Variants in CECR2 observed in about 807,000 individuals in gnomAD.
The protein encoded by CECR2 is chromatin remodeling regulator CECR2.
CECR2 carries 30 observed loss-of-function variants against 154.5 expected under a neutral mutation model. The observed-to-expected ratio is 0.19, with a 90% CI of 0.15 to 0.26. CECR2 has a LOEUF of 0.26. Ranked by LOEUF, CECR2 falls within the 10% of genes least tolerant of loss-of-function variation. The probability of loss-of-function intolerance (pLI) is 1.00; values close to 1 mark genes in which losing one functional copy is unlikely to be tolerated. For synonymous variants in CECR2, 725 were observed against 683.7 expected, an observed-to-expected ratio of 1.06 and a Z score of -0.94; for missense variants, 1,743 against 1,829.3, an observed-to-expected ratio of 0.95 and a Z score of 0.86.
rs115372453 is a variant in CECR2, at chr22:17,439,309, A to G, written c.127-38279A>G. Among the ~76,000 whole-genome samples the G allele has an allele frequency of 4.2e-3, 644 of 152,282 alleles. 3 individuals carry two copies. Among genetic ancestry groups the G allele is most frequent in the African/African-American group, 0.015 (618 of 41,546 alleles). ...AAATTTACTACAAAAATGAATGGGCAAGGAAGGCTGTGTTTCAGTAAAGCT... is the reference window on the plus strand; with the variant it reads ...AAATTTACTACAAAAATGAATGGGCGAGGAAGGCTGTGTTTCAGTAAAGCT... On this transcript the variant is annotated intron_variant, in intron 1 of 18. Transcript: ENST00000262608.
intron 1 of CECR2, among the ~76,000 whole-genome samples, chr22:17,382,914 A>G (rs902408491): frequency 1.3e-5 from 2 of 150,932 alleles, no homozygotes; most frequent in Non-Finnish European, 3.0e-5. Flanking sequence ...CAAACACAAC[A>G]AAACAACTAT....
At position 17,524,141 on chromosome 22, in the gene CECR2, A is replaced by G; in HGVS notation, c.978A>G (p.Ile326Met). ...KQEETPVLTRIEKQKRKEEEE... is the reference protein window; with the variant it reads ...KQEETPVLTRMEKQKRKEEEE... The stretch of plus-strand genomic sequence containing the variant: ...AGGAGACTCCTGTGCTGACCAGAAT[A>G]GAAAAACAAAAGCGCAAAGAGGAGG... The change falls in exon 9 of 19, where the codon ATA (isoleucine) becomes ATG (methionine). Residue 326 changes from isoleucine (I) to methionine (M), a missense_variant. Ile to Met is a conservative substitution (Grantham distance 10). Around this residue, in one of 4 missense-constraint regions of CECR2, gnomAD observed 292 missense variants for 301.2 expected, o/e 0.97. Coordinates refer to ENST00000262608, the MANE Select transcript of CECR2 (RefSeq NM_001290047.2). 1 of 1,596,544 alleles carries G rather than the reference A, an allele frequency of 6.3e-7. No individual in the cohort carries two copies. Among genetic ancestry groups the G allele is most frequent in the Non-Finnish European group, 8.5e-7 (1 of 1,171,658 alleles).
rs746659459 is a variant in CECR2 at position 17,540,679 on chromosome 22, A to G, written c.1763A>G (p.Asp588Gly). 5.0e-6 allele frequency: 8 copies of G among 1,613,832 alleles called. No individual in the cohort carries two copies. The highest frequency in any genetic ancestry group is 6.8e-6 in the Non-Finnish European group (8 of 1,179,880). The change falls in exon 14 of 19, where the codon GAC becomes GGC. Residue 588 changes from aspartate to glycine, a missense_variant. Coordinates refer to ENST00000262608, the MANE Select transcript of CECR2 (RefSeq NM_001290047.2). The stretch of plus-strand genomic sequence containing the variant: ...ACACGCCGAGCGCCCTCTTCTGGGG[A>G]CGATCAGAGCAGCAGCTCCACACAG... The part of the protein sequence containing the change: ...PPTRRAPSSG[D>G]DQSSSSTQPP...
Position 17,548,880 on chromosome 22 carries a change from A to T in CECR2, c.3593A>T (p.Gln1198Leu), listed in dbSNP as rs754271465. Residue 1198 changes from glutamine to leucine, a missense_variant, in exon 17 of 19, where the codon CAG becomes CTG. Physicochemically the swap from Gln to Leu is moderately radical, Grantham distance 113. This residue lies in a region of CECR2 where 1,250 missense variants were observed against 1,192.1 expected (regional missense o/e 1.05). Transcript: ENST00000262608. Reference protein sequence around the residue: ...PPPQPSYHHYQRTPYYACPQS... With the variant: ...PPPQPSYHHYLRTPYYACPQS... ...CCACAGCCTTCCTACCACCACTATCAGCGAACTCCTTACTATGCCTGTCCA... is the reference window on the plus strand; with the variant it reads ...CCACAGCCTTCCTACCACCACTATCTGCGAACTCCTTACTATGCCTGTCCA... 49 of 1,613,136 alleles carry T rather than the reference A, an allele frequency of 3.0e-5. No homozygotes were observed. Among genetic ancestry groups the T allele is most frequent in the Non-Finnish European group, 4.0e-5 (47 of 1,179,380 alleles).
intron 3 of CECR2, among the ~76,000 whole-genome samples, 200 bp from the exon 4 acceptor site, chr22:17,499,210 T>G (rs953397620): frequency 1.3e-5 from 2 of 152,026 alleles, no homozygotes; most frequent in African/African-American, 4.8e-5. Flanking sequence ...AGGCTGGTCT[T>G]GAACTCCTGA....
intron 8 of CECR2, among the ~76,000 whole-genome samples, chr22:17,520,836 C>A (rs143456710): frequency 1.3e-5 from 2 of 152,184 alleles, no homozygotes; most frequent in East Asian, 1.9e-4. Flanking sequence ...TCATTGATGT[C>A]CATTGATGGA....
In CECR2 at chr22:17,549,168, A is replaced by G. The variant is rs1569159444; in HGVS notation, c.3881A>G (p.Lys1294Arg). ...TCTATGGAGAGGCCAGAGAGTCCCA[A>G]AGAATTTTTAGACCTGGACAACCAT... ...DESMERPESP[K>R]EFLDLDNHNA... Residue 1294 changes from lysine (K) to arginine (R), a missense_variant, in exon 17 of 19, where the codon AAA becomes AGA. Lys to Arg is a conservative substitution (Grantham distance 26). Around this residue, in one of 4 missense-constraint regions of CECR2, gnomAD observed 1,250 missense variants for 1,192.1 expected, o/e 1.05. Transcript: ENST00000262608. The G allele has an allele frequency of 1.9e-6, 3 of 1,614,010 alleles. No individual in the cohort carries two copies. Among genetic ancestry groups the G allele is most frequent in the Non-Finnish European group, 2.5e-6 (3 of 1,179,896 alleles).
intron 17 of CECR2, among the ~76,000 whole-genome samples, chr22:17,550,786 C>A (rs1460276191): frequency 6.6e-6 from 1 of 152,024 alleles, no homozygotes; most frequent in Non-Finnish European, 1.5e-5. Context: ...ACTAAAAATA[C>A]AAAAAATTAG....
chr22:17,453,592 C>G (rs868664669), intron 1 of CECR2, among the ~76,000 whole-genome samples: 2 of 152,286 alleles, frequency 1.3e-5, no homozygotes, highest in Middle Eastern at 3.4e-3. Flanking sequence ...TAATTTACAT[C>G]TAGAATAGTT....
At chr22:17,503,979 G>T (rs998211871) in intron 6 of CECR2, among the ~76,000 whole-genome samples, 1 of 151,910 alleles carries the variant, frequency 6.6e-6, no homozygotes, top group Non-Finnish European at 1.5e-5. Flanking sequence ...TCCAGGAGGC[G>T]GAGGCTGCAG....
chr22:17,381,217 G>C (rs2063184734), intron 1 of CECR2, among the ~76,000 whole-genome samples: 2 of 152,278 alleles, frequency 1.3e-5, no homozygotes, highest in South Asian at 4.1e-4. Context: ...GTATCCACAC[G>C]AATGTACTGA....
At chr22:17,428,826 G>GTGTGTGTGTGTATA (rs369291932) in intron 1 of CECR2, among the ~76,000 whole-genome samples, 180 of 150,696 alleles carry the variant, frequency 1.2e-3, no homozygotes, top group African/African-American at 4.2e-3. Flanking sequence ...GTGTGTGTGT[G>GTGTGTGTGTGTATA]TATATAAAGG....
intron 1 of CECR2, among the ~76,000 whole-genome samples, chr22:17,473,565 G>GA (rs143481201): frequency 6.6e-6 from 1 of 152,134 alleles, no homozygotes; most frequent in Non-Finnish European, 1.5e-5. Context: ...TCCGAATTTT[G>GA]AAAAGGACAC....
Position 17,504,928 on chromosome 22 carries a change from G to C in CECR2, c.782G>C (p.Arg261Pro). ...TGGAGACAGGTCACCGAGAGTTTTC[G>C]CGAGAGGACCTCCCTTCGAGAACGG... ...EEWRQVTESF[R>P]ERTSLRERQL... Residue 261 changes from arginine (R) to proline (P), a missense_variant, in exon 7 of 19, where the codon CGC becomes CCC. This residue lies in a region of CECR2 where 292 missense variants were observed against 301.2 expected (regional missense o/e 0.97). Transcript: ENST00000262608. 1 of 1,613,684 alleles carries C rather than the reference G, an allele frequency of 6.2e-7. No individual in the cohort carries two copies. Among genetic ancestry groups the C allele is most frequent in the Non-Finnish European group, 8.5e-7 (1 of 1,179,822 alleles).
intron 1 of CECR2, among the ~76,000 whole-genome samples, chr22:17,474,424 C>T (rs1047514391): frequency 6.6e-6 from 1 of 152,220 alleles, no homozygotes. Flanking sequence ...CAGAGTTCCT[C>T]TCCCTATGTG....
At position 17,553,917 on chromosome 22, in the gene CECR2, A is replaced by G. The variant is rs944338100; in HGVS notation, c.*1077A>G. 1 of 152,240 alleles carries G rather than the reference A, an allele frequency of 6.6e-6. No homozygotes were observed. Among genetic ancestry groups the G allele is most frequent in the Non-Finnish European group, 1.5e-5 (1 of 68,040 alleles). 9.4% of individuals were successfully genotyped at this position (152,240 alleles called of 1,614,324 possible). On this transcript the variant is annotated 3_prime_UTR_variant, in exon 19 of 19. Transcript: ENST00000262608. ...CTCAGGTTTGTATATTTTAGTATCAATAAAGAATTGCACAGGTTTGAATAG... is the reference window on the plus strand; with the variant it reads ...CTCAGGTTTGTATATTTTAGTATCAGTAAAGAATTGCACAGGTTTGAATAG...
chr22:17,366,098 G>T (rs1362593226), upstream of CECR2, among the ~76,000 whole-genome samples: 1 of 152,162 alleles, frequency 6.6e-6, no homozygotes, highest in Admixed American at 6.6e-5. Flanking sequence ...ATTACTTCTT[G>T]CTACTTTTAA....
At chr22:17,449,408 A>G (rs1253233610) in intron 1 of CECR2, among the ~76,000 whole-genome samples, 2 of 146,442 alleles carry the variant, frequency 1.4e-5, no homozygotes, top group African/African-American at 2.5e-5. Flanking sequence ...TGGCACCACT[A>G]TTCACCTAAC....
At chr22:17,435,634 A>G (rs761013882) in intron 1 of CECR2, among the ~76,000 whole-genome samples, 8 of 150,828 alleles carry the variant, frequency 5.3e-5, no homozygotes, top group Non-Finnish European at 1.0e-4. Context: ...ACAGGCCACA[A>G]ACACATTCTA....
Sources: allele counts gnomAD v4.1 joint callset (sites outside exome capture counted in the v4.1 genomes callset), GRCh38; gene constraint gnomAD v4.1.1; regional missense constraint gnomAD v4.1.1; transcripts MANE v1.5; gene names NCBI Gene and HGNC (gene_info 2026-07-23, HGNC 2026-07-21).